The following MEIG1 variants were observed in gnomAD, a reference collection of about 807,000 sequenced individuals.
MEIG1 encodes the protein meiosis/spermiogenesis associated 1, also known as meiosis expressed gene 1 protein homolog.
In MEIG1, 12 loss-of-function variants were observed where a neutral mutation model predicts 11.3. The ratio of observed to expected loss-of-function variants is 1.07; its 90% confidence interval spans 0.68 to 1.73. The LOEUF (loss-of-function observed/expected upper bound fraction) is 1.73, where lower values mean the gene tolerates loss of function less well. MEIG1 is among the 40% of genes most tolerant of loss of function. The pLI is 0.00. For missense variants in MEIG1, 119 were observed against 104.9 expected (o/e 1.13, Z -0.59); for synonymous variants, 41 against 33.2 (o/e 1.24, Z -0.81).
At chr10:14,964,175 A>G (rs1843050098) in intron 1 of MEIG1, among the ~76,000 whole-genome samples, 1 of 152,064 alleles carries the variant, frequency 6.6e-6, no homozygotes, top group Admixed American at 6.6e-5. Flanking sequence ...AAATCTAAAT[A>G]GGAAGAGCAT....
chr10:14,982,839 C>T (rs866176284), intron 1 of MEIG1, among the ~76,000 whole-genome samples: 38 of 151,840 alleles, frequency 2.5e-4, no homozygotes, highest in Admixed American at 1.9e-3. Flanking sequence ...GTTATACTCA[C>T]GATAACAATA....
At chr10:14,985,811 T>C (rs568939294) in intron 1 of MEIG1, among the ~76,000 whole-genome samples, 1 of 152,178 alleles carries the variant, frequency 6.6e-6, no homozygotes, top group Admixed American at 6.5e-5. Flanking sequence ...TTAATTCAAA[T>C]ATCACAGTGG....
chr10:14,976,139 G>A, downstream of MEIG1, among the ~76,000 whole-genome samples: 1 of 152,212 alleles, frequency 6.6e-6, no homozygotes, highest in Admixed American at 6.5e-5. Context: ...AGAGGGGGTT[G>A]ATATTACTCC....
At chr10:14,979,164 G>T (rs1843239913) in intron 1 of MEIG1, among the ~76,000 whole-genome samples, 1 of 151,900 alleles carries the variant, frequency 6.6e-6, no homozygotes, top group Non-Finnish European at 1.5e-5. Context: ...ATCTCAGGGG[G>T]ATTTTACTTT....
At position 14,960,563 on chromosome 10, in the gene MEIG1, T is replaced by G. The variant is rs549293022; in HGVS notation, c.-30+1006T>G. On this transcript the variant is annotated intron_variant, in intron 1 of 2. Coordinates refer to ENST00000407572, the MANE Select transcript of MEIG1 (RefSeq NM_001080836.3). ...CCTCCCGAGTAGCTGGGACCACAGG[T>G]GCCCGCCACGATGCCCGGCTAATTT... Among the ~76,000 whole-genome samples the G allele has an allele frequency of 8.2e-4, 125 of 151,982 alleles. 1 individual carries two copies. The South Asian group carries it at 0.026, about 32-fold the overall frequency.
intron 1 of MEIG1, among the ~76,000 whole-genome samples, chr10:14,966,132 C>T (rs1354191160): frequency 4.3e-5 from 6 of 139,172 alleles, no homozygotes; most frequent in African/African-American, 1.1e-4. Context: ...GGCACAATCT[C>T]AGCTCACTGC....
exon 2 of MEIG1, chr10:14,986,919 A>G (rs1843324133): frequency 1.5e-5 from 9 of 608,330 alleles, no homozygotes; most frequent in Admixed American, 1.2e-4. Flanking sequence ...AGATTTCCAC[A>G]TTCTTGATGA....
chr10:14,962,762 A>T (rs76735134), intron 1 of MEIG1, among the ~76,000 whole-genome samples: 1 of 146,332 alleles, frequency 6.8e-6, no homozygotes, highest in African/African-American at 2.5e-5. Flanking sequence ...CTAATTTGGA[A>T]TTTTTTTTTT....
rs1413019887 is a variant in MEIG1 at position 14,966,434 on chromosome 10, T to C, written c.-29-6T>C. On this transcript the variant is annotated splice_polypyrimidine_tract_variant and splice_region_variant and intron_variant, in intron 1 of 2. Transcript: ENST00000407572. ...TATCCATTAATGTTGTTTTAACATC[T>C]TTCAGATATTATTGATAATAAGGCC... 1 of 1,565,322 alleles carries C rather than the reference T, an allele frequency of 6.4e-7. No individual in the cohort carries two copies. The highest frequency in any genetic ancestry group is 1.2e-5 in the South Asian group (1 of 84,086).
intron 2 of MEIG1, chr10:14,987,333 A>AGGACAG (rs568320298): frequency 1.1e-5 from 9 of 805,232 alleles, no homozygotes; most frequent in East Asian, 2.5e-5. Flanking sequence ...ACCAGATACA[A>AGGACAG]GGACAGGGAC....
At chr10:14,979,624 C>T (rs77614056) in intron 1 of MEIG1, among the ~76,000 whole-genome samples, 5,246 of 151,686 alleles carry the variant, frequency 0.035, 293 homozygotes, top group African/African-American at 0.12. Context: ...TAATATCCTA[C>T]GAAGATGTTA....
chr10:14,982,228 TC>T (rs1843272959), intron 1 of MEIG1, among the ~76,000 whole-genome samples: 1 of 152,178 alleles, frequency 6.6e-6, no homozygotes, highest in Non-Finnish European at 1.5e-5. Context: ...CCTTCTGAGC[TC>T]CCCTCATTAA....
At chr10:14,957,098 G>A (rs1450477854), upstream of MEIG1, among the ~76,000 whole-genome samples, 1 of 152,130 alleles carries the variant, frequency 6.6e-6, no homozygotes, top group Non-Finnish European at 1.5e-5. Context: ...TGTGGACGTG[G>A]GAGTGTACCT....
At chr10:14,973,131 G>T (rs573366306), downstream of MEIG1, among the ~76,000 whole-genome samples, 275 of 152,250 alleles carry the variant, frequency 1.8e-3, no homozygotes, top group Non-Finnish European at 1.7e-3. Flanking sequence ...CTCCCAAAGT[G>T]CTGGCATTTC....
chr10:14,959,795 C>T (rs905299956), intron 1 of MEIG1, among the ~76,000 whole-genome samples: 6 of 152,248 alleles, frequency 3.9e-5, no homozygotes, highest in African/African-American at 9.6e-5. Context: ...GTTTCCGGGC[C>T]GCCCCGGACC....
chr10:14,956,862 A>C (rs1842958268), upstream of MEIG1, among the ~76,000 whole-genome samples: 1 of 152,144 alleles, frequency 6.6e-6, no homozygotes, highest in Non-Finnish European at 1.5e-5. Context: ...CCAGGAGTTA[A>C]AGACCAACAT....
chr10:14,954,678 C>A (rs1168841440), upstream of MEIG1, among the ~76,000 whole-genome samples: 1 of 152,066 alleles, frequency 6.6e-6, no homozygotes, highest in East Asian at 1.9e-4. Flanking sequence ...GCTGGCCTCT[C>A]CCCTGGGCCC....
intron 2 of MEIG1, among the ~76,000 whole-genome samples, chr10:14,966,905 T>C (rs2131268057): frequency 6.6e-6 from 1 of 152,262 alleles, no homozygotes; most frequent in East Asian, 1.9e-4. Context: ...GGCTAATTTT[T>C]GTATTTTTGT....
chr10:14,964,056 C>T (rs1245972372), intron 1 of MEIG1, among the ~76,000 whole-genome samples: 2 of 150,248 alleles, frequency 1.3e-5, no homozygotes, highest in African/African-American at 4.9e-5. Flanking sequence ...CGAGATCGCG[C>T]CTCTGCACTC....
Sources: allele counts gnomAD v4.1 joint callset (sites outside exome capture counted in the v4.1 genomes callset), GRCh38; gene constraint gnomAD v4.1.1; transcripts MANE v1.5; gene names NCBI Gene and HGNC (gene_info 2026-07-23, HGNC 2026-07-21).